BTBD10: variants seen among roughly 807,000 people sequenced by gnomAD.
BTBD10 encodes the protein BTB/POZ domain-containing protein 10.
A neutral mutation model predicts 53.2 loss-of-function variants in BTBD10; 21 were observed. The ratio of observed to expected loss-of-function variants is 0.39; its 90% CI spans 0.28 to 0.57. BTBD10 has a LOEUF of 0.57. Ranked by LOEUF, BTBD10 falls within the 20% of genes least tolerant of loss-of-function variation. The pLI is 0.53. For missense variants in BTBD10, 360 were observed against 594.7 expected (o/e 0.61, Z 4.10); for synonymous variants, 149 against 192.7 (o/e 0.77, Z 1.88).
intron 8 of BTBD10, among the ~76,000 whole-genome samples, chr11:13,395,285 G>A (rs1949513639): frequency 1.3e-5 from 2 of 152,078 alleles, no homozygotes; most frequent in East Asian, 3.9e-4. Context: ...GCATTTCTCT[G>A]ATGGCCAGTG....
intron 2 of BTBD10, among the ~76,000 whole-genome samples, chr11:13,422,627 G>A (rs928519431): frequency 4.6e-5 from 7 of 152,024 alleles, no homozygotes; most frequent in Non-Finnish European, 1.0e-4. Context: ...GGGCAACAGA[G>A]CAAGACTCTG....
rs1177982871 is a variant in BTBD10 at position 13,445,076 on chromosome 11, T to A, written c.49A>T (p.Asn17Tyr). 3.1e-6 allele frequency: 5 copies of A among 1,613,202 alleles called. No individual in the cohort carries two copies. The highest frequency in any genetic ancestry group is 4.2e-6 in the Non-Finnish European group (5 of 1,179,488). Reference protein sequence around the residue: ...PYDGNSSDPENWDRKLHSRPR... With the variant: ...PYDGNSSDPEYWDRKLHSRPR... Reference sequence around the variant, plus strand: ...CTACTATGCAATTTCCGATCCCAATTCTCTGGATCACTGGAGTTACCATCA... The same window carrying A: ...CTACTATGCAATTTCCGATCCCAATACTCTGGATCACTGGAGTTACCATCA... Residue 17 changes from asparagine (N) to tyrosine (Y), a missense_variant, in exon 2 of 9, where the codon AAT becomes TAT. Physicochemically the swap from Asn to Tyr is moderately radical, Grantham distance 143 (BLOSUM62 -2). Around this residue, in one of 6 missense-constraint regions of BTBD10, gnomAD observed 81 missense variants for 82.6 expected, o/e 0.98. Transcript: ENST00000278174.
chr11:13,456,042 T>C (rs1405708390), intron 1 of BTBD10, among the ~76,000 whole-genome samples: 2 of 152,188 alleles, frequency 1.3e-5, no homozygotes, highest in East Asian at 1.9e-4. Context: ...GTCTGCACTG[T>C]CCGAAAAGTT....
intron 5 of BTBD10, 56 bp downstream of exon 5, chr11:13,417,101 CA>C: frequency 7.8e-7 from 1 of 1,288,314 alleles, no homozygotes; most frequent in African/African-American, 1.5e-5. Context: ...GCGTCTAATC[CA>C]AGTACCTCCA....
intron 7 of BTBD10, chr11:13,404,571 T>C (rs1949778238): frequency 1.0e-6 from 1 of 968,050 alleles, no homozygotes; most frequent in Non-Finnish European, 1.2e-6. Context: ...TCTTTTATTT[T>C]TGACAACCTT....
intron 2 of BTBD10, among the ~76,000 whole-genome samples, chr11:13,437,327 GTGATGCT>G (rs1328147040): frequency 1.2e-4 from 19 of 152,268 alleles, no homozygotes; most frequent in African/African-American, 3.1e-4. Context: ...TTTTTCATAT[GTGATGCT>G]GTAGAGCGAT....
intron 1 of BTBD10, among the ~76,000 whole-genome samples, chr11:13,457,648 G>A (rs1950999144): frequency 6.6e-6 from 1 of 152,138 alleles, no homozygotes; most frequent in South Asian, 2.1e-4. Context: ...TTACCTATAT[G>A]GGCAGAGTAG....
chr11:13,408,845 T>C (rs1462751299), intron 6 of BTBD10, among the ~76,000 whole-genome samples: 1 of 152,210 alleles, frequency 6.6e-6, no homozygotes, highest in Non-Finnish European at 1.5e-5. Flanking sequence ...ATCTATTTGC[T>C]TCTAGCACAA....
chr11:13,432,657 T>A lies in BTBD10; in HGVS notation c.102-10819A>T, dbSNP rs77834684. On this transcript the variant is annotated intron_variant, in intron 2 of 8. Transcript: ENST00000278174. ...TTCAGTAACATAAAAAATGTATCCA[T>A]AAAATAAGGACAGGAATGCTGCAAT... is the stretch of plus-strand genomic sequence containing the variant. 6.8e-3 allele frequency among the ~76,000 whole-genome samples: 1,037 copies of A among 151,830 alleles called. 14 individuals carry two copies. The highest frequency in any genetic ancestry group is 0.024 in the African/African-American group (992 of 41,400).
chr11:13,459,058 A>ATT lies in BTBD10; in HGVS notation c.-58+4032_-58+4033dup, dbSNP rs199960942. On this transcript the variant is annotated intron_variant, in intron 1 of 8. Coordinates refer to ENST00000278174, the MANE Select transcript of BTBD10 (RefSeq NM_032320.7). ...TATTTATTTATTTTTTTATTTATTTATTTTTTTTTTTTTTTTGAGACGGAG... is the reference window on the plus strand; with the variant it reads ...TATTTATTTATTTTTTTATTTATTTATTTTTTTTTTTTTTTTTTGAGACGGAG... Among the ~76,000 whole-genome samples the ATT allele has an allele frequency of 2.2e-3, 297 of 135,336 alleles. 1 individual carries two copies. Among genetic ancestry groups the ATT allele is most frequent in the Non-Finnish European group, 3.7e-3 (231 of 62,034 alleles). The allele number at this position is 135,336 out of a possible 152,430, so 88.8% of individuals were successfully genotyped here. A position where few individuals can be genotyped will look rare whatever the true frequency, so the allele number is the denominator to read the frequency against.
intron 6 of BTBD10, among the ~76,000 whole-genome samples, chr11:13,408,915 C>T (rs1949882856): frequency 6.6e-6 from 1 of 152,188 alleles, no homozygotes; most frequent in African/African-American, 2.4e-5. Context: ...AACCTTAAGT[C>T]AGGTCAGGAT....
chr11:13,422,112 T>C (rs1950252689), intron 2 of BTBD10, among the ~76,000 whole-genome samples: 1 of 152,192 alleles, frequency 6.6e-6, no homozygotes, highest in Admixed American at 6.5e-5. Context: ...GTAGAAGTTG[T>C]AGTAATAATA....
intron 4 of BTBD10, 51 bp from the exon 5 acceptor site, chr11:13,417,311 AGG>A (rs757348816): frequency 9.2e-6 from 12 of 1,298,928 alleles, no homozygotes; most frequent in Non-Finnish European, 1.2e-5. Flanking sequence ...TTCCTTCAAA[AGG>A]GAAAATAGAT....
rs74796647 is a variant in BTBD10, at chr11:13,450,388, C to T, written c.-57-5207G>A. ...GTTCACAAAGTTAATTTTGTACTAA[C>T]GACAAAGAAGGCCTTCAGAGGGGCC... On this transcript the variant is annotated intron_variant, in intron 1 of 8. Transcript: ENST00000278174. Among the ~76,000 whole-genome samples the T allele has an allele frequency of 6.3e-3, 958 of 152,114 alleles. 14 individuals are homozygous for T. Among genetic ancestry groups the T allele is most frequent in the African/African-American group, 0.022 (898 of 41,516 alleles).
intron 8 of BTBD10, among the ~76,000 whole-genome samples, chr11:13,397,095 G>T (rs1341217563): frequency 6.6e-6 from 1 of 152,178 alleles, no homozygotes; most frequent in Non-Finnish European, 1.5e-5. Context: ...TCTATTGATT[G>T]GAATAGTTTC....
At chr11:13,434,497 G>C (rs1278782524) in intron 2 of BTBD10, among the ~76,000 whole-genome samples, 2 of 152,170 alleles carry the variant, frequency 1.3e-5, no homozygotes, top group Non-Finnish European at 2.9e-5. Context: ...AGGGTTGCTG[G>C]AGCACAGAAA....
chr11:13,408,987 A>G (rs755641669), intron 6 of BTBD10, among the ~76,000 whole-genome samples: 1 of 152,210 alleles, frequency 6.6e-6, no homozygotes, highest in South Asian at 2.1e-4. Flanking sequence ...AAATGGTACA[A>G]TGTGACAGCC....
chr11:13,388,973 G>C lies in BTBD10; in HGVS notation c.1286C>G (p.Ala429Gly), dbSNP rs1450069309. Residue 429 changes from alanine (A) to glycine (G), a missense_variant, in exon 9 of 9, where the codon GCA (alanine) becomes GGA (glycine). Around this residue, in one of 6 missense-constraint regions of BTBD10, gnomAD observed 52 missense variants for 180.4 expected, o/e 0.29. Coordinates refer to ENST00000278174, the MANE Select transcript of BTBD10 (RefSeq NM_032320.7). The part of the protein sequence containing the change: ...CVKSKSITNL[A>G]AAAADIPQDQ... ...CTGGGGAATGTCTGCTGCAGCTGCT[G>C]CAAGATTGGTGATAGATTTACTCTT... 6.2e-7 allele frequency: 1 copy of C among 1,614,146 alleles called. No individual in the cohort carries two copies. Among genetic ancestry groups the C allele is most frequent in the Non-Finnish European group, 8.5e-7 (1 of 1,180,026 alleles).
intron 5 of BTBD10, among the ~76,000 whole-genome samples, chr11:13,415,610 T>C (rs773851146): frequency 6.6e-6 from 1 of 151,926 alleles, no homozygotes; most frequent in Admixed American, 6.6e-5. Flanking sequence ...TATAACAAAG[T>C]TTATTTACTC....
Sources: allele counts gnomAD v4.1 joint callset (sites outside exome capture counted in the v4.1 genomes callset), GRCh38; gene constraint gnomAD v4.1.1; regional missense constraint gnomAD v4.1.1; transcripts MANE v1.5; gene names NCBI Gene and HGNC (gene_info 2026-07-23, HGNC 2026-07-21).